ARID5B: variants seen among roughly 807,000 people sequenced by gnomAD.
ARID5B encodes AT-rich interactive domain-containing protein 5B.
A neutral mutation model predicts 97.2 loss-of-function variants in ARID5B; 13 were observed. The observed-to-expected ratio is 0.13, with a 90% CI of 0.09 to 0.21. The LOEUF (loss-of-function observed/expected upper bound fraction) is 0.21, where lower values mean the gene tolerates loss of function less well. Among genes scored for constraint, ARID5B ranks in the 10% least tolerant of loss-of-function variants. ARID5B has a pLI of 1.00. For missense variants in ARID5B, 1,210 were observed against 1,465.3 expected (o/e 0.83, Z 2.84); for synonymous variants, 556 against 570.3 (o/e 0.97, Z 0.36).
In ARID5B at chr10:62,041,759, A is replaced by G. The variant is rs1206466023; in HGVS notation, c.734-9129A>G. ...AGAGGTAGCAAATCAGTTATCCTCA[A>G]TGATGAAATGGAATATCTCATTTCC... is the stretch of plus-strand genomic sequence containing the variant. On this transcript the variant is annotated intron_variant, in intron 4 of 9. Coordinates refer to ENST00000279873, the MANE Select transcript of ARID5B (RefSeq NM_032199.3). Among the ~76,000 whole-genome samples the G allele has an allele frequency of 2.0e-5, 3 of 152,356 alleles. No individual in the cohort carries two copies. In the East Asian group the frequency reaches 5.8e-4, roughly 29 times the overall value.
At chr10:61,919,704 T>C (rs1841815087) in intron 2 of ARID5B, among the ~76,000 whole-genome samples, 1 of 152,216 alleles carries the variant, frequency 6.6e-6, no homozygotes, top group African/African-American at 2.4e-5. Flanking sequence ...ATCTGTTCCT[T>C]GTGAATATTC....
intron 4 of ARID5B, among the ~76,000 whole-genome samples, chr10:62,040,974 G>T (rs879659498): frequency 2.6e-5 from 4 of 152,122 alleles, no homozygotes; most frequent in Admixed American, 6.6e-5. Context: ...TTACATTAGG[G>T]TTTCTGATGG....
In ARID5B at chr10:61,936,233, T is replaced by C. The variant is rs891462278; in HGVS notation, c.277-3950T>C. Among the ~76,000 whole-genome samples the C allele has an allele frequency of 1.3e-5, 2 of 152,256 alleles. 1 individual carries two copies. The highest frequency in any genetic ancestry group is 1.3e-4 in the Admixed American group (2 of 15,290). Reference sequence around the variant, plus strand: ...ATTGGCCCTTTTTTAAAACTTGCTATATCTCCTATAAATAGAAAACCAGTA... The same window carrying C: ...ATTGGCCCTTTTTTAAAACTTGCTACATCTCCTATAAATAGAAAACCAGTA... On this transcript the variant is annotated intron_variant, in intron 2 of 9. Coordinates refer to ENST00000279873, the MANE Select transcript of ARID5B (RefSeq NM_032199.3).
chr10:62,011,462 G>C (rs1283483208), intron 4 of ARID5B, among the ~76,000 whole-genome samples: 1 of 152,062 alleles, frequency 6.6e-6, no homozygotes, highest in Non-Finnish European at 1.5e-5. Flanking sequence ...GTCAGGACTA[G>C]AACAAACCCA....
chr10:61,909,122 C>T (rs1325463522), intron 2 of ARID5B, among the ~76,000 whole-genome samples: 1 of 152,142 alleles, frequency 6.6e-6, no homozygotes. Flanking sequence ...TCACTGCTCC[C>T]AGGGAGCTTA....
At chr10:61,913,117 G>A (rs556865652) in intron 2 of ARID5B, among the ~76,000 whole-genome samples, 3 of 152,260 alleles carry the variant, frequency 2.0e-5, no homozygotes, top group South Asian at 2.1e-4. Flanking sequence ...TGGAAAAGAC[G>A]CTGGTGATAC....
chr10:62,060,800 A>G (rs1839912073), intron 7 of ARID5B, among the ~76,000 whole-genome samples: 1 of 152,228 alleles, frequency 6.6e-6, no homozygotes, highest in Non-Finnish European at 1.5e-5. Context: ...ATTGAACAAT[A>G]TTATGAAACG....
At chr10:62,006,511 T>C (rs1349641036) in intron 4 of ARID5B, among the ~76,000 whole-genome samples, 2 of 152,182 alleles carry the variant, frequency 1.3e-5, no homozygotes. Flanking sequence ...TTTCTCCTTG[T>C]TGCATGGGCT....
intron 2 of ARID5B, among the ~76,000 whole-genome samples, chr10:61,924,823 C>T (rs1043399127): frequency 1.3e-5 from 2 of 152,116 alleles, no homozygotes; most frequent in African/African-American, 4.8e-5. Flanking sequence ...CCAACAGGGG[C>T]CAAGGGTTTT....
Position 62,011,608 on chromosome 10 carries a change from C to T in ARID5B, c.733+11287C>T, listed in dbSNP as rs140991622. On this transcript the variant is annotated intron_variant, in intron 4 of 9. Transcript: ENST00000279873. ...TCCCAACCCTGGTAACTGCTCATCC[C>T]ACCCTCAGTCTTGCCATAAGAGGAA... Among the ~76,000 whole-genome samples the T allele has an allele frequency of 3.7e-3, 565 of 152,296 alleles. 6 individuals carry two copies. Among genetic ancestry groups the T allele is most frequent in the African/African-American group, 0.013 (546 of 41,558 alleles).
At chr10:61,960,307 C>T (rs1490167578) in intron 3 of ARID5B, among the ~76,000 whole-genome samples, 7 of 152,116 alleles carry the variant, frequency 4.6e-5, no homozygotes, top group Non-Finnish European at 1.0e-4. Context: ...AGGAAGCTCA[C>T]AACAGTAGGA....
At chr10:62,033,935 CCT>C (rs1839528901) in intron 4 of ARID5B, among the ~76,000 whole-genome samples, 1 of 152,160 alleles carries the variant, frequency 6.6e-6, no homozygotes, top group South Asian at 2.1e-4. Flanking sequence ...AAGCCCGTGC[CCT>C]CTCTACTTTC....
chr10:62,002,742 T>A (rs1839096551), intron 4 of ARID5B, among the ~76,000 whole-genome samples: 1 of 152,222 alleles, frequency 6.6e-6, no homozygotes, highest in Non-Finnish European at 1.5e-5. Flanking sequence ...TGACTAGCAT[T>A]AAACAAATGT....
chr10:61,915,181 T>A (rs1030002023), intron 2 of ARID5B, among the ~76,000 whole-genome samples: 1 of 152,134 alleles, frequency 6.6e-6, no homozygotes, highest in Non-Finnish European at 1.5e-5. Context: ...AGGAGAGAAG[T>A]CTCAGACTCA....
At chr10:62,048,612 T>C (rs1839742819) in intron 4 of ARID5B, among the ~76,000 whole-genome samples, 1 of 152,228 alleles carries the variant, frequency 6.6e-6, no homozygotes, top group African/African-American at 2.4e-5. Flanking sequence ...ATTCTCAGAA[T>C]CTGCTGGGGG....
rs756826499 is a variant in ARID5B at position 62,000,152 on chromosome 10, C to G, written c.564C>G (p.Arg188=). 4 of 1,614,046 alleles carry G rather than the reference C, an allele frequency of 2.5e-6. No homozygotes were observed. The South Asian group carries it at 3.3e-5, about 13-fold the overall frequency. The change falls in exon 4 of 10, where the codon CGC becomes CGG. Residue 188 remains arginine (R), a synonymous_variant. Transcript: ENST00000279873. This position sits in a 1 kb window ranked among gnomAD's most constrained non-coding sequence, Gnocchi z 4.4. ...VLSYPQYCRY[R]SMLKRIQDKP... ...GCTACCCCCAGTACTGCCGGTACCG[C>G]TCGATGCTGAAACGCATCCAGGATA...
At chr10:62,038,516 G>A (rs908024354) in intron 4 of ARID5B, among the ~76,000 whole-genome samples, 2 of 152,114 alleles carry the variant, frequency 1.3e-5, no homozygotes, top group African/African-American at 4.8e-5. Flanking sequence ...ATGTGAGCAT[G>A]ATTTTTTTAA....
At chr10:61,993,120 TAC>T (rs35119824) in intron 3 of ARID5B, among the ~76,000 whole-genome samples, 115,315 of 147,998 alleles carry the variant, frequency 0.78, 45,322 homozygotes, top group Admixed American at 0.86. Context: ...GGAAGGGAGA[TAC>T]ACACACACAC....
At chr10:62,071,285 C>A (rs940015589) in intron 8 of ARID5B, among the ~76,000 whole-genome samples, 1 of 152,112 alleles carries the variant, frequency 6.6e-6, no homozygotes, top group African/African-American at 2.4e-5. Flanking sequence ...CCACCCACTT[C>A]GGCCTCCCAA....
Sources: allele counts gnomAD v4.1 joint callset (sites outside exome capture counted in the v4.1 genomes callset), GRCh38; gene constraint gnomAD v4.1.1; non-coding constraint Gnocchi (gnomAD v3.1); transcripts MANE v1.5; gene names NCBI Gene and HGNC (gene_info 2026-07-23, HGNC 2026-07-21).